BTRC: variants seen among roughly 807,000 people sequenced by gnomAD.
The protein encoded by BTRC is F-box/WD repeat-containing protein 1A.
In BTRC, 42 loss-of-function variants were observed where a neutral mutation model predicts 85.5. The ratio of observed to expected loss-of-function variants is 0.49; its 90% CI spans 0.38 to 0.64. The LOEUF is 0.64. Among genes scored for constraint, BTRC ranks in the 30% least tolerant of loss-of-function variants. The pLI, the probability that BTRC is intolerant of heterozygous loss-of-function variation, is 0.00. For synonymous variants in BTRC, 255 were observed against 263.3 expected (o/e 0.97, Z 0.30); for missense variants, 594 against 743.5 (o/e 0.80, Z 2.34).
chr10:101,465,714 A>C (rs7917449), intron 3 of BTRC, among the ~76,000 whole-genome samples: 45,792 of 152,110 alleles, frequency 0.3, 9,169 homozygotes, highest in East Asian at 0.6. Context: ...TTACCAGAAC[A>C]AGAAATAATG....
Position 101,521,820 on chromosome 10 carries a change from A to G in BTRC, c.506A>G (p.Asn169Ser). The G allele has an allele frequency of 6.2e-7, 1 of 1,613,970 alleles. No homozygotes were observed. The highest frequency in any genetic ancestry group is 8.5e-7 in the Non-Finnish European group (1 of 1,179,942). Residue 169 changes from asparagine (N) to serine (S), a missense_variant, in exon 5 of 15, where the codon AAC (asparagine) becomes AGC (serine). Coordinates refer to ENST00000370187, the MANE Select transcript of BTRC (RefSeq NM_033637.4). ...QMCHYQHGHINSYLKPMLQRD... is the reference protein window; with the variant it reads ...QMCHYQHGHISSYLKPMLQRD... Reference sequence around the variant, plus strand: ...TGTCATTACCAACATGGGCACATAAACTCGTATCTTAAACCTATGTTGCAG... The same window carrying G: ...TGTCATTACCAACATGGGCACATAAGCTCGTATCTTAAACCTATGTTGCAG...
intron 1 of BTRC, among the ~76,000 whole-genome samples, chr10:101,362,541 A>G (rs1010846715): frequency 6.6e-6 from 1 of 151,990 alleles, no homozygotes; most frequent in Non-Finnish European, 1.5e-5. Flanking sequence ...GATTACAGGC[A>G]TGCGGCACCA....
chr10:101,527,387 G>C (rs1302497001), intron 6 of BTRC, among the ~76,000 whole-genome samples: 1 of 152,012 alleles, frequency 6.6e-6, no homozygotes, highest in Non-Finnish European at 1.5e-5. Context: ...CTATTAGGAA[G>C]ACTGTTTAAA....
At chr10:101,358,302 C>T (rs1942102160) in intron 1 of BTRC, among the ~76,000 whole-genome samples, 1 of 152,002 alleles carries the variant, frequency 6.6e-6, no homozygotes, top group Non-Finnish European at 1.5e-5. Flanking sequence ...AAGGGTCGCC[C>T]TTTGTTGACA....
At chr10:101,546,828 T>C (rs1310036642) in intron 13 of BTRC, among the ~76,000 whole-genome samples, 2 of 152,142 alleles carry the variant, frequency 1.3e-5, no homozygotes, top group African/African-American at 4.8e-5. Context: ...TGTACTAATA[T>C]CAGAAATGAA....
intron 1 of BTRC, among the ~76,000 whole-genome samples, chr10:101,361,864 T>C (rs1942217237): frequency 6.6e-6 from 1 of 152,192 alleles, no homozygotes; most frequent in African/African-American, 2.4e-5. Context: ...CCTTTATATG[T>C]GGCCAAGGTG....
chr10:101,463,173 G>A (rs542637395), intron 3 of BTRC, among the ~76,000 whole-genome samples: 1 of 152,018 alleles, frequency 6.6e-6, no homozygotes, highest in East Asian at 1.9e-4. Context: ...AGCCTCCTGC[G>A]TAACTGGGAC....
chr10:101,430,392 C>G lies in BTRC; in HGVS notation c.96C>G (p.Asp32Glu). 2 of 1,614,114 alleles carry G rather than the reference C, an allele frequency of 1.2e-6. No individual in the cohort carries two copies. Among genetic ancestry groups the G allele is most frequent in the Non-Finnish European group, 1.7e-6 (2 of 1,180,000 alleles). Residue 32 changes from aspartate (D) to glutamate (E), a missense_variant, in exon 2 of 15, where the codon GAC becomes GAG. Physicochemically the swap from Asp to Glu is conservative, Grantham distance 45. Coordinates refer to ENST00000370187, the MANE Select transcript of BTRC (RefSeq NM_033637.4). The stretch of plus-strand genomic sequence containing the variant: ...GGCTGGGCTGCTCCAGCCTGGCGGA[C>G]AGCATGCCTTCGCTGCGATGCCTGT... ...SLWLGCSSLA[D>E]SMPSLRCLYN...
At chr10:101,510,305 G>A (rs1257174048) in intron 4 of BTRC, among the ~76,000 whole-genome samples, 3 of 151,974 alleles carry the variant, frequency 2.0e-5, no homozygotes, top group Non-Finnish European at 4.4e-5. Context: ...TCAGGAGATC[G>A]AGACCATCCT....
At chr10:101,378,200 C>A (rs2133954151) in intron 1 of BTRC, among the ~76,000 whole-genome samples, 1 of 152,204 alleles carries the variant, frequency 6.6e-6, no homozygotes, top group African/African-American at 2.4e-5. Flanking sequence ...TGTAGATCAT[C>A]CCAAGCAGCA....
At position 101,526,130 on chromosome 10, in the gene BTRC, G is replaced by C. The variant is rs867755281; in HGVS notation, c.674G>C (p.Trp225Ser). ...CGAGTGACCTCTGATGGCATGCTGT[G>C]GAAGAAGCTTATCGAGAGAATGGTC... ...WYRVTSDGML[W>S]KKLIERMVRT... Residue 225 changes from tryptophan to serine, a missense_variant, in exon 6 of 15, where the codon TGG (tryptophan) becomes TCG (serine). Physicochemically the swap from Trp to Ser is radical, Grantham distance 177. Transcript: ENST00000370187. The C allele has an allele frequency of 6.2e-7, 1 of 1,614,024 alleles. No homozygotes were observed. The highest frequency in any genetic ancestry group is 8.5e-7 in the Non-Finnish European group (1 of 1,180,026).
At chr10:101,467,263 CCTT>C (rs1190867297) in intron 3 of BTRC, among the ~76,000 whole-genome samples, 1 of 148,500 alleles carries the variant, frequency 6.7e-6, no homozygotes, top group South Asian at 2.1e-4. Context: ...GATGGCATTC[CCTT>C]CTTTCTGATT....
At chr10:101,413,640 A>C (rs1004232864) in intron 1 of BTRC, among the ~76,000 whole-genome samples, 1 of 152,180 alleles carries the variant, frequency 6.6e-6, no homozygotes, top group Non-Finnish European at 1.5e-5. Context: ...GATGCAAAAG[A>C]TGAAGATGTC....
At chr10:101,455,856 T>C (rs1945061484) in intron 2 of BTRC, among the ~76,000 whole-genome samples, 1 of 152,112 alleles carries the variant, frequency 6.6e-6, no homozygotes, top group Non-Finnish European at 1.5e-5. Flanking sequence ...ATGATGATTC[T>C]AATGGCCGGG....
intron 1 of BTRC, among the ~76,000 whole-genome samples, chr10:101,382,682 T>C (rs1439349464): frequency 6.6e-6 from 1 of 152,196 alleles, no homozygotes; most frequent in African/African-American, 2.4e-5. Flanking sequence ...TTGGAGACTG[T>C]GTAAATATCT....
At chr10:101,442,304 G>A (rs79341506) in intron 2 of BTRC, among the ~76,000 whole-genome samples, 41,623 of 132,350 alleles carry the variant, frequency 0.31, 7,300 homozygotes, top group Middle Eastern at 0.43. Flanking sequence ...GTATGTGTGT[G>A]TGTGTGTGTG....
chr10:101,513,138 G>T (rs1234908765), intron 4 of BTRC, among the ~76,000 whole-genome samples: 1 of 152,072 alleles, frequency 6.6e-6, no homozygotes, highest in Non-Finnish European at 1.5e-5. Flanking sequence ...TTAGATAATT[G>T]TAGAAAAATC....
At chr10:101,370,838 C>T (rs1942614335) in intron 1 of BTRC, among the ~76,000 whole-genome samples, 1 of 152,130 alleles carries the variant, frequency 6.6e-6, no homozygotes, top group African/African-American at 2.4e-5. Context: ...TCCCCAAGTG[C>T]TGGGATGCTG....
At chr10:101,440,581 T>A (rs1416074754) in intron 2 of BTRC, among the ~76,000 whole-genome samples, 1 of 151,912 alleles carries the variant, frequency 6.6e-6, no homozygotes, top group Non-Finnish European at 1.5e-5. Flanking sequence ...AATTAGCCAG[T>A]CATGGTGGTG....
Sources: gnomAD v4.1 joint callset for allele counts (sites outside exome capture counted in the v4.1 genomes callset) on GRCh38, gnomAD v4.1.1 for gene constraint, MANE v1.5 for transcripts, NCBI Gene and HGNC (gene_info 2026-07-23, HGNC 2026-07-21) for gene names.